The following EPB41L2 variants were observed in gnomAD, a reference collection of about 807,000 sequenced individuals.
EPB41L2 encodes erythrocyte membrane protein band 4.1 like 2, also known as band 4.1-like protein 2.
EPB41L2 carries 43 observed loss-of-function variants against 113.0 expected under a neutral mutation model. The ratio of observed to expected loss-of-function variants is 0.38; its 90% CI spans 0.30 to 0.49. The LOEUF is 0.49. Ranked by LOEUF, EPB41L2 falls within the 20% of genes least tolerant of loss-of-function variation. The pLI is 0.95. For synonymous variants in EPB41L2, 442 were observed against 436.7 expected, an observed-to-expected ratio of 1.01 and a Z score of -0.15; for missense variants, 1,147 against 1,223.4, an observed-to-expected ratio of 0.94 and a Z score of 0.93.
intron 1 of EPB41L2, among the ~76,000 whole-genome samples, chr6:131,029,993 C>A (rs901564711): frequency 6.6e-6 from 1 of 151,628 alleles, no homozygotes; most frequent in African/African-American, 2.4e-5. Flanking sequence ...TTCACACACA[C>A]TAAAAACTAT....
intron 1 of EPB41L2, among the ~76,000 whole-genome samples, chr6:131,014,604 T>C (rs1584523827): frequency 6.6e-6 from 1 of 152,022 alleles, no homozygotes; most frequent in Non-Finnish European, 1.5e-5. Flanking sequence ...ACGTTTTCTG[T>C]CTCCAAAAAT....
At chr6:130,852,138 T>C (rs1307866359) in intron 19 of EPB41L2, among the ~76,000 whole-genome samples, 2 of 152,192 alleles carry the variant, frequency 1.3e-5, no homozygotes, top group Non-Finnish European at 2.9e-5. Flanking sequence ...TTGTAAGTTA[T>C]AAAAAGTTCT....
chr6:130,972,493 T>C (rs1165368083), intron 1 of EPB41L2, among the ~76,000 whole-genome samples: 1 of 151,660 alleles, frequency 6.6e-6, no homozygotes, highest in African/African-American at 2.4e-5. Flanking sequence ...ATAACTAATG[T>C]TCCTTAACTC....
Position 130,869,797 on chromosome 6 carries a change from C to T in EPB41L2, c.2373G>A (p.Glu791=). The change falls in exon 15 of 20, where the codon GAG becomes GAA. Residue 791 remains glutamate, a synonymous_variant. Transcript: ENST00000337057. Reference sequence around the variant, plus strand: ...CTGGGCTGGCTTCGGGCACTGCTTCCTCCCTCTCTACTACCTTGGCTGCCG... The same window carrying T: ...CTGGGCTGGCTTCGGGCACTGCTTCTTCCCTCTCTACTACCTTGGCTGCCG... ...PRPAAKVVER[E]EAVPEASPVT... 1 of 1,614,070 alleles carries T rather than the reference C, an allele frequency of 6.2e-7. No homozygotes were observed. The highest frequency in any genetic ancestry group is 8.5e-7 in the Non-Finnish European group (1 of 1,180,024).
At chr6:130,842,397 C>T (rs1047890934) in intron 19 of EPB41L2, among the ~76,000 whole-genome samples, 3 of 152,106 alleles carry the variant, frequency 2.0e-5, no homozygotes, top group Admixed American at 6.5e-5. Context: ...AATTACCAAT[C>T]AAATTGGATT....
chr6:130,846,962 A>G (rs1289023143), intron 19 of EPB41L2, among the ~76,000 whole-genome samples: 1 of 152,164 alleles, frequency 6.6e-6, no homozygotes, highest in Non-Finnish European at 1.5e-5. Flanking sequence ...AACTGTCTGA[A>G]CCAGTATCTT....
At chr6:130,947,187 C>G (rs1813222481) in intron 3 of EPB41L2, among the ~76,000 whole-genome samples, 1 of 152,102 alleles carries the variant, frequency 6.6e-6, no homozygotes, top group Non-Finnish European at 1.5e-5. Flanking sequence ...TCTTCTCATC[C>G]TGGCATTTGA....
intron 1 of EPB41L2, among the ~76,000 whole-genome samples, chr6:130,981,163 G>C (rs1397034106): frequency 1.3e-5 from 2 of 151,996 alleles, no homozygotes; most frequent in Non-Finnish European, 2.9e-5. Flanking sequence ...AGAAGTCATT[G>C]GTGTTTTAAA....
At chr6:130,921,748 T>C (rs1371820941) in intron 4 of EPB41L2, among the ~76,000 whole-genome samples, 1 of 152,198 alleles carries the variant, frequency 6.6e-6, no homozygotes, top group Non-Finnish European at 1.5e-5. Flanking sequence ...CCTTGTCAGG[T>C]AGTAAAACTT....
intron 1 of EPB41L2, among the ~76,000 whole-genome samples, chr6:130,976,419 G>A (rs1454395929): frequency 6.6e-6 from 1 of 152,092 alleles, no homozygotes; most frequent in Non-Finnish European, 1.5e-5. Context: ...AGACATCTTA[G>A]CAATGTTAGA....
chr6:130,880,461 A>G, intron 12 of EPB41L2: 1 of 656,454 alleles, frequency 1.5e-6, no homozygotes, highest in Middle Eastern at 2.4e-4. Flanking sequence ...CACCTCTTCC[A>G]GCTGCGTTTC....
Position 130,870,063 on chromosome 6 carries a change from T to C in EPB41L2, c.2107A>G (p.Arg703Gly). The C allele has an allele frequency of 6.2e-7, 1 of 1,614,084 alleles. No individual in the cohort carries two copies. The highest frequency in any genetic ancestry group is 8.5e-7 in the Non-Finnish European group (1 of 1,180,020). ...CCATTCATTTCTTCTGTGATTACTCTTTCGTCTTTCCCAACCTCTGCCCGC... is the reference window on the plus strand; with the variant it reads ...CCATTCATTTCTTCTGTGATTACTCCTTCGTCTTTCCCAACCTCTGCCCGC... The part of the protein sequence containing the change: ...KKRAEVGKDE[R>G]VITEEMNGKE... Residue 703 changes from arginine (R) to glycine (G), a missense_variant, in exon 15 of 20, where the codon AGA becomes GGA. Physicochemically the swap from Arg to Gly is moderately radical, Grantham distance 125. Transcript: ENST00000337057.
At position 130,956,308 on chromosome 6, in the gene EPB41L2, G is replaced by C; in HGVS notation, c.178C>G (p.Arg60Gly). ...PPAAESQSSLRRQKREKETSE... is the reference protein window; with the variant it reads ...PPAAESQSSLGRQKREKETSE... ...GTTTCCTTCTCTCTCTTCTGGCGGC[G>C]TAGACTACTTTGGCTTTCAGCTGCA... Residue 60 changes from arginine to glycine, a missense_variant, in exon 2 of 20, where the codon CGC becomes GGC. Arg to Gly is a moderately radical substitution (Grantham distance 125). Coordinates refer to ENST00000337057, the MANE Select transcript of EPB41L2 (RefSeq NM_001431.4). 6.2e-7 allele frequency: 1 copy of C among 1,614,062 alleles called. No homozygotes were observed. The highest frequency in any genetic ancestry group is 2.2e-5 in the East Asian group (1 of 44,882).
Position 130,885,107 on chromosome 6 carries a change from T to C in EPB41L2, c.1822A>G (p.Ile608Val). The C allele has an allele frequency of 6.2e-7, 1 of 1,614,082 alleles. No individual in the cohort carries two copies. The highest frequency in any genetic ancestry group is 8.5e-7 in the Non-Finnish European group (1 of 1,179,922). Residue 608 changes from isoleucine to valine, a missense_variant, in exon 12 of 20, where the codon ATT (isoleucine) becomes GTT (valine). By Grantham distance (29) the Ile-to-Val change is conservative. Transcript: ENST00000337057. ...SPTKAPHLQL[I>V]EGKKNSLRVE... ...CTAATTTACCATACCTTTCCTTCAA[T>C]GAGCTGCAAATGTGGGGCTTTAGTT...
chr6:130,976,478 G>A (rs1778233865), intron 1 of EPB41L2, among the ~76,000 whole-genome samples: 1 of 152,116 alleles, frequency 6.6e-6, no homozygotes, highest in Non-Finnish European at 1.5e-5. Context: ...AAGATGTAAT[G>A]TTGAAAAGTA....
chr6:130,941,813 C>T (rs1163429177), intron 3 of EPB41L2, among the ~76,000 whole-genome samples: 4 of 152,138 alleles, frequency 2.6e-5, no homozygotes, highest in South Asian at 2.1e-4. Context: ...GATTACTAGA[C>T]AGAATGGAGC....
chr6:131,005,120 G>A (rs992873017), intron 1 of EPB41L2, among the ~76,000 whole-genome samples: 7 of 151,178 alleles, frequency 4.6e-5, no homozygotes, highest in Non-Finnish European at 7.4e-5. Flanking sequence ...GAAAAAGGAA[G>A]AAGCTGCAAC....
At chr6:131,029,505 A>G (rs964695529) in intron 1 of EPB41L2, among the ~76,000 whole-genome samples, 4 of 152,114 alleles carry the variant, frequency 2.6e-5, no homozygotes, top group African/African-American at 9.7e-5. Flanking sequence ...CTTACATTCT[A>G]CAATTTCATT....
chr6:130,875,411 C>T (rs1417060044), intron 14 of EPB41L2, among the ~76,000 whole-genome samples: 1 of 152,102 alleles, frequency 6.6e-6, no homozygotes, highest in Admixed American at 6.6e-5. Context: ...CCTTTAAGAT[C>T]GTGACATGAC....
Sources: gnomAD v4.1 joint callset for allele counts (sites outside exome capture counted in the v4.1 genomes callset) on GRCh38, gnomAD v4.1.1 for gene constraint, MANE v1.5 for transcripts, NCBI Gene and HGNC (gene_info 2026-07-23, HGNC 2026-07-21) for gene names.